The following COL22A1 variants were observed in gnomAD, a reference collection of about 807,000 sequenced individuals.
The protein encoded by COL22A1 is collagen type XXII alpha 1 chain.
COL22A1 carries 221 observed loss-of-function variants against 248.9 expected under a neutral mutation model. That is an observed-to-expected ratio of 0.89 (90% CI 0.80 to 0.99). The LOEUF is 0.99. Ranked by LOEUF, COL22A1 falls within the 50% of genes least tolerant of loss-of-function variation. The probability of loss-of-function intolerance (pLI) is 0.00; values close to 1 mark genes in which losing one functional copy is unlikely to be tolerated. For synonymous variants in COL22A1, 891 were observed against 793.4 expected (o/e 1.12, Z -2.07); for missense variants, 2,240 against 2,179.0 (o/e 1.03, Z -0.56).
chr8:138,757,641 G>A (rs1367409145), intron 18 of COL22A1, among the ~76,000 whole-genome samples: 1 of 152,210 alleles, frequency 6.6e-6, no homozygotes, highest in Non-Finnish European at 1.5e-5. Flanking sequence ...TTATTGGAGA[G>A]ACTCTGCCTT....
intron 31 of COL22A1, among the ~76,000 whole-genome samples, chr8:138,700,921 C>T (rs1827909511): frequency 7.4e-6 from 1 of 134,900 alleles, no homozygotes; most frequent in Non-Finnish European, 1.5e-5. Context: ...GGAGGCGGAG[C>T]TTGCAGTGAG....
intron 4 of COL22A1, among the ~76,000 whole-genome samples, chr8:138,839,117 A>C (rs956667834): frequency 2.0e-5 from 3 of 152,214 alleles, no homozygotes; most frequent in African/African-American, 7.2e-5. Flanking sequence ...CTCCATCCTT[A>C]AAATGCCTGC....
At chr8:138,609,801 G>T (rs28507972) in intron 56 of COL22A1, among the ~76,000 whole-genome samples, 34,146 of 152,034 alleles carry the variant, frequency 0.22, 4,353 homozygotes, top group African/African-American at 0.35. Context: ...CAGAAGGCAG[G>T]GTGGTTCTGG....
At chr8:138,752,839 A>C (rs1263058177) in intron 21 of COL22A1, among the ~76,000 whole-genome samples, 1 of 152,238 alleles carries the variant, frequency 6.6e-6, no homozygotes, top group Non-Finnish European at 1.5e-5. Context: ...AACCCAATGA[A>C]TATTTAGAAA....
At position 138,632,637 on chromosome 8, in the gene COL22A1, G is replaced by C. The variant is rs1335924157; in HGVS notation, c.3610-1889C>G. ...AGAGATGTAAAAATGACTACATCAT[G>C]GTCTTGGATCTCAAGGAAATTTGAT... On this transcript the variant is annotated intron_variant, in intron 49 of 64. Transcript: ENST00000303045. Among the ~76,000 whole-genome samples the C allele has an allele frequency of 2.0e-5, 3 of 152,136 alleles. No homozygotes were observed. The East Asian group carries it at 5.8e-4, about 29-fold the overall frequency.
intron 55 of COL22A1, among the ~76,000 whole-genome samples, chr8:138,615,269 G>A (rs1015206893): frequency 3.9e-5 from 6 of 152,140 alleles, no homozygotes; most frequent in Non-Finnish European, 7.3e-5. Context: ...AGTGGCTCAC[G>A]CCTATAGTCC....
chr8:138,894,459 C>G (rs1825263580), intron 1 of COL22A1, among the ~76,000 whole-genome samples: 1 of 152,018 alleles, frequency 6.6e-6, no homozygotes. Context: ...GGAAGCAAGC[C>G]CAGATTTCCA....
intron 6 of COL22A1, 29 bp from the exon 7 acceptor site, chr8:138,821,440 G>A (rs1819123144): frequency 6.3e-7 from 1 of 1,599,922 alleles, no homozygotes; most frequent in African/African-American, 1.3e-5. Context: ...GAGACTCCTT[G>A]AGCTTCTTGG....
intron 7 of COL22A1, among the ~76,000 whole-genome samples, chr8:138,818,063 T>C (rs1818819071): frequency 6.6e-6 from 1 of 152,228 alleles, no homozygotes; most frequent in Admixed American, 6.5e-5. Flanking sequence ...AATCTCATTG[T>C]TGGATGTTTG....
chr8:138,619,287 T>C (rs1021146442), intron 53 of COL22A1, among the ~76,000 whole-genome samples, 168 bp downstream of exon 53: 1 of 152,188 alleles, frequency 6.6e-6, no homozygotes, highest in Non-Finnish European at 1.5e-5. Context: ...TTCGCAGCTA[T>C]GTAGTGTGGC....
intron 57 of COL22A1, 35 bp from the exon 58 acceptor site, chr8:138,606,487 G>A (rs1187172701): frequency 6.3e-7 from 1 of 1,599,984 alleles, no homozygotes; most frequent in Non-Finnish European, 8.5e-7. Flanking sequence ...ATTCCTCAAG[G>A]TCACGTACCA....
chr8:138,669,654 C>T (rs1824838604), intron 41 of COL22A1, among the ~76,000 whole-genome samples: 1 of 152,150 alleles, frequency 6.6e-6, no homozygotes, highest in African/African-American at 2.4e-5. Flanking sequence ...TGAGTCTCCT[C>T]ATCTGAAACC....
At chr8:138,655,489 G>C (rs976521099) in intron 45 of COL22A1, among the ~76,000 whole-genome samples, 7 of 152,134 alleles carry the variant, frequency 4.6e-5, no homozygotes, top group Admixed American at 3.9e-4. Context: ...CTCCTGAGTC[G>C]CTGGGACCAC....
At chr8:138,826,510 G>T (rs1192119123) in intron 6 of COL22A1, 148 bp downstream of exon 6, 7 of 763,696 alleles carry the variant, frequency 9.2e-6, no homozygotes, top group African/African-American at 1.7e-5. Context: ...CCCCCCTGCA[G>T]GTCCTCTGAG....
intron 63 of COL22A1, among the ~76,000 whole-genome samples, chr8:138,593,636 G>T (rs1238476808): frequency 6.6e-6 from 1 of 152,070 alleles, no homozygotes; most frequent in African/African-American, 2.4e-5. Flanking sequence ...GCAGTTAACA[G>T]CTGTTTTGTT....
intron 1 of COL22A1, among the ~76,000 whole-genome samples, chr8:138,887,902 A>G (rs1336089826): frequency 6.6e-6 from 1 of 152,138 alleles, no homozygotes; most frequent in Non-Finnish European, 1.5e-5. Context: ...AGCATTGAGT[A>G]TTATCACTCC....
rs73437374 is a variant in COL22A1 at position 138,756,575 on chromosome 8, T to C, written c.1903-746A>G. ...CACACATGACGTAGGGACATAACTT[T>C]TCCTTTTACCTAGAGCTTAGCTCAG... On this transcript the variant is annotated intron_variant, in intron 18 of 64. Transcript: ENST00000303045. 7.4e-3 allele frequency among the ~76,000 whole-genome samples: 1,126 copies of C among 152,320 alleles called. 14 individuals carry two copies. The highest frequency in any genetic ancestry group is 0.026 in the African/African-American group (1,067 of 41,568).
chr8:138,832,650 C>T (rs1820136968), intron 5 of COL22A1, among the ~76,000 whole-genome samples: 3 of 152,164 alleles, frequency 2.0e-5, no homozygotes, highest in Admixed American at 1.3e-4. Flanking sequence ...TGACCAAAGC[C>T]ACTCCGAGAT....
chr8:138,694,531 G>T lies in COL22A1; in HGVS notation c.2677C>A (p.Pro893Thr). ...ACCGGTGGTCCAGTGGGTCCCTGAG[G>T]CCCCAATTCTCCAGGACGGCCCTGC... ...GLQGRPGELGPQGPTGPPGAK... is the reference protein window; with the variant it reads ...GLQGRPGELGTQGPTGPPGAK... The change falls in exon 34 of 65, where the codon CCT becomes ACT. Residue 893 changes from proline to threonine, a missense_variant. Transcript: ENST00000303045. The T allele has an allele frequency of 6.2e-7, 1 of 1,613,974 alleles. No homozygotes were observed. The highest frequency in any genetic ancestry group is 8.5e-7 in the Non-Finnish European group (1 of 1,179,970).
Sources: gnomAD v4.1 joint callset for allele counts (sites outside exome capture counted in the v4.1 genomes callset) on GRCh38, gnomAD v4.1.1 for gene constraint, MANE v1.5 for transcripts, NCBI Gene and HGNC (gene_info 2026-07-23, HGNC 2026-07-21) for gene names.